Variants in SEC63 observed in about 807,000 individuals in gnomAD.
SEC63 encodes SEC63 protein translocation regulator, also known as translocation protein SEC63 homolog.
A neutral mutation model predicts 116.2 loss-of-function variants in SEC63; 56 were observed. The ratio of observed to expected loss-of-function variants is 0.48; its 90% CI spans 0.39 to 0.60. The LOEUF is 0.60. Among genes scored for constraint, SEC63 ranks in the 20% least tolerant of loss-of-function variants. The pLI is 0.00. For synonymous variants in SEC63, 273 were observed against 294.6 expected (o/e 0.93, Z 0.75); for missense variants, 668 against 900.0 (o/e 0.74, Z 3.30).
chr6:107,878,642 A>G (rs653898), intron 18 of SEC63, among the ~76,000 whole-genome samples: 132,515 of 152,164 alleles, frequency 0.87, 57,873 homozygotes, highest in Middle Eastern at 0.92. Context: ...GATCACTTGA[A>G]GTCGGGAGTT....
At chr6:107,917,993 C>T (rs1787451448) in intron 4 of SEC63, among the ~76,000 whole-genome samples, 1 of 152,204 alleles carries the variant, frequency 6.6e-6, no homozygotes, top group African/African-American at 2.4e-5. Flanking sequence ...AGGACTTTCA[C>T]TGCTGGAGAG....
chr6:107,953,814 C>T (rs1238975239), intron 1 of SEC63, among the ~76,000 whole-genome samples: 34 of 140,260 alleles, frequency 2.4e-4, no homozygotes, highest in Middle Eastern at 3.8e-3. Flanking sequence ...GCCCCCCGCC[C>T]GGCCAGCCGC....
chr6:107,928,059 T>C (rs1278018548), intron 2 of SEC63, among the ~76,000 whole-genome samples: 3 of 152,086 alleles, frequency 2.0e-5, no homozygotes, highest in Admixed American at 6.6e-5. Context: ...TAATTCAAAA[T>C]GAGAACCAAC....
intron 4 of SEC63, among the ~76,000 whole-genome samples, chr6:107,918,526 T>A (rs1787467758): frequency 6.6e-6 from 1 of 151,996 alleles, no homozygotes; most frequent in Middle Eastern, 3.2e-3. Context: ...ACCCTGTCTC[T>A]ACTAAAAATA....
rs371586376 is a variant in SEC63, at chr6:107,929,510, T to A, written c.129A>T (p.Gln43His). 145 of 1,579,336 alleles carry A rather than the reference T, an allele frequency of 9.2e-5. No individual in the cohort carries two copies. The highest frequency in any genetic ancestry group is 1.2e-4 in the Non-Finnish European group (135 of 1,149,068). The change falls in exon 2 of 21, where the codon CAA becomes CAT. Residue 43 changes from glutamine to histidine, a missense_variant. Gln to His is a conservative substitution (Grantham distance 24). Coordinates refer to ENST00000369002, the MANE Select transcript of SEC63 (RefSeq NM_007214.5). ...CTTTTCTGATATTCTTTAATCGAATTTGCTCTGTCAAGAAAGAAAAATAAG... is the reference window on the plus strand; with the variant it reads ...CTTTTCTGATATTCTTTAATCGAATATGCTCTGTCAAGAAAGAAAAATAAG... Reference protein sequence around the residue: ...YLWPRDQNAEQIRLKNIRKVY... With the variant: ...YLWPRDQNAEHIRLKNIRKVY...
At chr6:107,897,829 T>C (rs537503730) in intron 13 of SEC63, 98 bp from the exon 14 acceptor site, 2 of 806,886 alleles carry the variant, frequency 2.5e-6, no homozygotes, top group South Asian at 2.7e-5. Context: ...GTTTGGCACT[T>C]TAGTATTTCA....
chr6:107,911,463 T>C lies in SEC63; in HGVS notation c.574-67A>G. On this transcript the variant is annotated intron_variant, in intron 6 of 20. Coordinates refer to ENST00000369002, the MANE Select transcript of SEC63 (RefSeq NM_007214.5). Reference sequence around the variant, plus strand: ...AATTAAAACAACATCCATGAATTTATTTTGAGGCTTACAATGGGGGAGCCA... The same window carrying C: ...AATTAAAACAACATCCATGAATTTACTTTGAGGCTTACAATGGGGGAGCCA... The C allele has an allele frequency of 2.8e-6, 3 of 1,079,136 alleles. No homozygotes were observed. In the South Asian group the frequency reaches 3.8e-5, roughly 14 times the overall value. The allele number at this position is 1,079,136 out of a possible 1,614,324, so 66.8% of individuals were successfully genotyped here.
At chr6:107,910,034 GGTTT>G (rs1787239436) in intron 7 of SEC63, among the ~76,000 whole-genome samples, 1 of 151,984 alleles carries the variant, frequency 6.6e-6, no homozygotes, top group African/African-American at 2.4e-5. Context: ...TCTCATTAAA[GGTTT>G]TTTTTAAAAT....
At chr6:107,944,518 T>C (rs1252590698) in intron 1 of SEC63, among the ~76,000 whole-genome samples, 2 of 151,970 alleles carry the variant, frequency 1.3e-5, no homozygotes, top group Non-Finnish European at 2.9e-5. Context: ...GCCAACATGG[T>C]GAAACCCGTC....
intron 4 of SEC63, among the ~76,000 whole-genome samples, chr6:107,921,502 G>T (rs549644762): frequency 1.3e-4 from 20 of 151,150 alleles, no homozygotes; most frequent in African/African-American, 4.9e-4. Context: ...TCGAAGTTGG[G>T]CTGCAGTGGC....
rs1305592632 is a variant in SEC63 at position 107,904,868 on chromosome 6, T to A, written c.962-147A>T. The A allele has an allele frequency of 1.3e-5, 9 of 717,374 alleles. No homozygotes were observed. In the East Asian group the frequency reaches 2.1e-4, roughly 17 times the overall value. 44.4% of individuals were successfully genotyped at this position (717,374 alleles called of 1,614,324 possible). A position where few individuals can be genotyped will look rare whatever the true frequency, so the allele number is the denominator to read the frequency against. ...TTTACAGATTGAATGGAAGAGTTTCTCCTCAGTATCACTATGTCAAAAATC... is the reference window on the plus strand; with the variant it reads ...TTTACAGATTGAATGGAAGAGTTTCACCTCAGTATCACTATGTCAAAAATC... On this transcript the variant is annotated intron_variant, in intron 10 of 20. Transcript: ENST00000369002.
intron 19 of SEC63, among the ~76,000 whole-genome samples, chr6:107,873,167 A>G (rs144858813): frequency 2.6e-4 from 39 of 152,346 alleles, no homozygotes; most frequent in African/African-American, 8.7e-4. Context: ...TCCACAATTC[A>G]AGAAAGCAGT....
intron 4 of SEC63, among the ~76,000 whole-genome samples, chr6:107,918,215 A>G (rs542307771): frequency 6.7e-6 from 1 of 148,962 alleles, no homozygotes; most frequent in South Asian, 2.2e-4. Flanking sequence ...TGGATTACTG[A>G]ATATTTTAGG....
At chr6:107,944,456 G>A (rs897058241) in intron 1 of SEC63, among the ~76,000 whole-genome samples, 2 of 152,190 alleles carry the variant, frequency 1.3e-5, no homozygotes, top group Admixed American at 6.5e-5. Context: ...CCAGCACTTT[G>A]GGAGGCCGAG....
At chr6:107,872,699 G>C in intron 20 of SEC63, 109 bp downstream of exon 20, 2 of 712,496 alleles carry the variant, frequency 2.8e-6, no homozygotes, top group Non-Finnish European at 5.0e-6. Context: ...AGCATGAGAT[G>C]ACTTCTTTTT....
In SEC63 at chr6:107,906,773, A is replaced by G. The variant is rs1179744787; in HGVS notation, c.738T>C (p.Leu246=). The part of the protein sequence containing the change: ...YKTRNMDMKR[L]IMVLAGASEF... ...CAGAAGCTCCAGCCAAAACCATGAT[A>G]AGACCTAACAAAACAAAAGAAATAT... Residue 246 remains leucine, a synonymous_variant, in exon 9 of 21, where the codon CTT becomes CTC. Coordinates refer to ENST00000369002, the MANE Select transcript of SEC63 (RefSeq NM_007214.5). 6.2e-7 allele frequency: 1 copy of G among 1,610,312 alleles called. No homozygotes were observed. The highest frequency in any genetic ancestry group is 2.2e-5 in the East Asian group (1 of 44,834).
chr6:107,923,582 A>G (rs914370294), intron 3 of SEC63, among the ~76,000 whole-genome samples: 3 of 152,092 alleles, frequency 2.0e-5, no homozygotes, highest in Non-Finnish European at 2.9e-5. Context: ...CTAGAGTGCA[A>G]TGGTGCGGAT....
intron 13 of SEC63, among the ~76,000 whole-genome samples, 171 bp downstream of exon 13, chr6:107,901,198 TA>T (rs1310921681): frequency 6.6e-6 from 1 of 152,202 alleles, no homozygotes; most frequent in Admixed American, 6.5e-5. Context: ...CTCAAACTAT[TA>T]GGTATAAATC....
intron 12 of SEC63, 119 bp downstream of exon 12, chr6:107,902,725 T>A (rs1787036005): frequency 1.0e-6 from 1 of 955,318 alleles, no homozygotes; most frequent in South Asian, 1.4e-5. Flanking sequence ...TTTAGAGTAT[T>A]TAAGACATTC....
Sources: allele counts gnomAD v4.1 joint callset (sites outside exome capture counted in the v4.1 genomes callset), GRCh38; gene constraint gnomAD v4.1.1; transcripts MANE v1.5; gene names NCBI Gene and HGNC (gene_info 2026-07-23, HGNC 2026-07-21).